The following NXPE2 variants were observed in gnomAD, a reference collection of about 807,000 sequenced individuals.
NXPE2 encodes the protein NXPE family member 2.
NXPE2 carries 34 observed loss-of-function variants against 34.4 expected under a neutral mutation model. The ratio of observed to expected loss-of-function variants is 0.99; its 90% CI spans 0.75 to 1.31. NXPE2 has a LOEUF of 1.31. NXPE2 is among the 40% of genes most tolerant of loss of function. NXPE2 has a pLI of 0.00. For synonymous variants in NXPE2, 235 were observed against 231.3 expected, an observed-to-expected ratio of 1.02 and a Z score of -0.15; for missense variants, 649 against 672.5, an observed-to-expected ratio of 0.97 and a Z score of 0.39.
At chr11:114,515,749 T>TCACC in the NXPE2 span, among the ~76,000 whole-genome samples, 79 of 98,660 alleles carry the variant, frequency 8.0e-4, 6 homozygotes, top group African/African-American at 4.2e-3. Flanking sequence ...AGAAAGTAAG[T>TCACC]ATGAAAGGGC....
chr11:114,549,918 T>C, the NXPE2 span, among the ~76,000 whole-genome samples: 9,284 of 151,922 alleles, frequency 0.061, 960 homozygotes, highest in African/African-American at 0.21. Flanking sequence ...CTTTTGTGTA[T>C]ATAGACAAAA....
At chr11:114,807,239 G>A in the NXPE2 span, among the ~76,000 whole-genome samples, 2 of 151,822 alleles carry the variant, frequency 1.3e-5, no homozygotes, top group Non-Finnish European at 2.9e-5. Context: ...GCAAAAACAT[G>A]CCAAACTGTA....
chr11:114,791,921 G>A, the NXPE2 span, among the ~76,000 whole-genome samples: 14 of 152,226 alleles, frequency 9.2e-5, no homozygotes, highest in African/African-American at 1.2e-4. Flanking sequence ...AGCCGGGCAT[G>A]GTGGTGGGCG....
the NXPE2 span, among the ~76,000 whole-genome samples, chr11:114,466,324 C>G: frequency 6.6e-6 from 1 of 152,030 alleles, no homozygotes; most frequent in African/African-American, 2.4e-5. Flanking sequence ...ATTTGAAAAC[C>G]CAAGCCTTCT....
the NXPE2 span, among the ~76,000 whole-genome samples, chr11:114,774,857 T>C: frequency 6.6e-6 from 1 of 152,208 alleles, no homozygotes; most frequent in Non-Finnish European, 1.5e-5. Context: ...GAAACAGGCC[T>C]TCAGGGACCT....
At chr11:114,511,916 C>T in the NXPE2 span, among the ~76,000 whole-genome samples, 1 of 152,158 alleles carries the variant, frequency 6.6e-6, no homozygotes. Context: ...GATGCTGGTG[C>T]CATGTTTATA....
At chr11:114,620,566 C>T in the NXPE2 span, among the ~76,000 whole-genome samples, 188 of 151,668 alleles carry the variant, frequency 1.2e-3, no homozygotes, top group East Asian at 9.2e-3. Context: ...ACCACTGTTA[C>T]GCGGTGGATA....
At chr11:114,600,947 A>G in the NXPE2 span, among the ~76,000 whole-genome samples, 1 of 152,068 alleles carries the variant, frequency 6.6e-6, no homozygotes, top group Admixed American at 6.6e-5. Flanking sequence ...GAAATGATTC[A>G]GTTTCCACAT....
chr11:114,707,414 C>A, downstream of NXPE2: 1 of 426,128 alleles, frequency 2.3e-6, no homozygotes, highest in South Asian at 1.6e-5. Context: ...TTTTATTTTT[C>A]GAGACAGTCT....
the NXPE2 span, among the ~76,000 whole-genome samples, chr11:114,486,253 G>T: frequency 6.6e-6 from 1 of 152,112 alleles, no homozygotes; most frequent in Admixed American, 6.6e-5. Flanking sequence ...TGATCAATAA[G>T]GTTGAGCATG....
the NXPE2 span, chr11:114,584,659 G>A: frequency 6.4e-6 from 1 of 156,726 alleles, no homozygotes; most frequent in Non-Finnish European, 1.4e-5. Context: ...GGAGAAGCCA[G>A]GAGCCAAAGA....
the NXPE2 span, among the ~76,000 whole-genome samples, chr11:114,628,787 T>A: frequency 1.9e-4 from 29 of 150,718 alleles, 1 homozygote; most frequent in Non-Finnish European, 2.5e-4. Context: ...AGACTAATAA[T>A]GAAAAAAAGA....
chr11:114,740,960 T>C, the NXPE2 span, among the ~76,000 whole-genome samples: 15 of 152,328 alleles, frequency 9.8e-5, no homozygotes, highest in East Asian at 2.9e-3. Context: ...AAGTCTATTT[T>C]GTCTCATATA....
At chr11:114,621,566 A>G in the NXPE2 span, among the ~76,000 whole-genome samples, 1 of 152,138 alleles carries the variant, frequency 6.6e-6, no homozygotes, top group East Asian at 1.9e-4. Context: ...CTCTAGGGTA[A>G]CCACTGTTAC....
the NXPE2 span, among the ~76,000 whole-genome samples, chr11:114,812,257 C>T: frequency 7.2e-5 from 11 of 152,204 alleles, no homozygotes; most frequent in African/African-American, 2.4e-4. Context: ...CTAGACAGGG[C>T]CTGACAGTAG....
At chr11:114,626,968 A>G in the NXPE2 span, among the ~76,000 whole-genome samples, 1 of 152,106 alleles carries the variant, frequency 6.6e-6, no homozygotes, top group African/African-American at 2.4e-5. Flanking sequence ...AAGTTTAGAG[A>G]AAAAAGAATA....
At chr11:114,671,076 A>AAT in the NXPE2 span, among the ~76,000 whole-genome samples, 3 of 146,710 alleles carry the variant, frequency 2.0e-5, no homozygotes, top group East Asian at 1.9e-4. Flanking sequence ...CATAAATATA[A>AAT]ATATATATAT....
chr11:114,582,210 C>T, the NXPE2 span: 2 of 1,455,892 alleles, frequency 1.4e-6, no homozygotes, highest in Non-Finnish European at 1.8e-6. Flanking sequence ...AATACACTCA[C>T]AAGACTTTTC....
At chr11:114,597,245 C>T in the NXPE2 span, among the ~76,000 whole-genome samples, 1 of 151,552 alleles carries the variant, frequency 6.6e-6, no homozygotes, top group Non-Finnish European at 1.5e-5. Flanking sequence ...TTTGATTAGC[C>T]CAATAGAAGG....
Sources: allele counts gnomAD v4.1 joint callset (sites outside exome capture counted in the v4.1 genomes callset), GRCh38; gene constraint gnomAD v4.1.1; transcripts MANE v1.5; gene names NCBI Gene and HGNC (gene_info 2026-07-23, HGNC 2026-07-21).